Variants in RIMS2 observed in about 807,000 individuals in gnomAD.
RIMS2 encodes regulating synaptic membrane exocytosis protein 2.
In RIMS2, 59 loss-of-function variants were observed where a neutral mutation model predicts 174.4. The ratio of observed to expected loss-of-function variants is 0.34; its 90% confidence interval spans 0.27 to 0.42. The LOEUF (loss-of-function observed/expected upper bound fraction) is 0.42, where lower values mean the gene tolerates loss of function less well. Ranked by LOEUF, RIMS2 falls within the 10% of genes least tolerant of loss-of-function variation. The pLI is 1.00. For synonymous variants in RIMS2, 606 were observed against 572.5 expected, an observed-to-expected ratio of 1.06 and a Z score of -0.84; for missense variants, 1,620 against 1,666.3, an observed-to-expected ratio of 0.97 and a Z score of 0.48.
chr8:103,886,172 T>A lies in RIMS2; in HGVS notation c.1573T>A (p.Tyr525Asn), dbSNP rs748894148. 2.9e-5 allele frequency: 47 copies of A among 1,612,272 alleles called. No homozygotes were observed. The South Asian group carries it at 4.9e-4, about 17-fold the overall frequency. ...GGAGGAATTGGCTTCCACGCCTGAA[T>A]ATACAAGTTGTGATGATGTTGAGAT... The change falls in exon 4 of 24, where the codon TAT becomes AAT. Residue 525 changes from tyrosine (Y) to asparagine (N), a missense_variant. Transcript: ENST00000504942.
chr8:104,174,224 G>A (rs1303260575), intron 19 of RIMS2, among the ~76,000 whole-genome samples: 1 of 152,104 alleles, frequency 6.6e-6, no homozygotes, highest in Non-Finnish European at 1.5e-5. Context: ...AGGGATTACA[G>A]GCGTGAGCCG....
chr8:103,782,884 ACT>A (rs1592232451), intron 3 of RIMS2, among the ~76,000 whole-genome samples: 1 of 152,226 alleles, frequency 6.6e-6, no homozygotes, highest in East Asian at 1.9e-4. Context: ...ATAGAAAATA[ACT>A]CTTTGTGGAA....
At chr8:103,884,707 G>A (rs766317739) in intron 3 of RIMS2, among the ~76,000 whole-genome samples, 72 of 151,818 alleles carry the variant, frequency 4.7e-4, no homozygotes, top group Non-Finnish European at 8.3e-4. Context: ...TATTTTTATT[G>A]CTTATCTCAA....
intron 2 of RIMS2, among the ~76,000 whole-genome samples, chr8:103,730,412 CTTT>C (rs1368328590): frequency 6.6e-6 from 1 of 152,014 alleles, no homozygotes; most frequent in East Asian, 1.9e-4. Context: ...TAATTACCTT[CTTT>C]GTCTCTTTTT....
At chr8:103,551,979 A>G (rs10087778) in intron 1 of RIMS2, among the ~76,000 whole-genome samples, 9,081 of 152,276 alleles carry the variant, frequency 0.06, 904 homozygotes, top group African/African-American at 0.2. Context: ...AGAACATTCC[A>G]TGCTCATGGA....
intron 19 of RIMS2, among the ~76,000 whole-genome samples, chr8:104,160,664 A>T (rs907178395): frequency 6.6e-6 from 1 of 152,164 alleles, no homozygotes; most frequent in Non-Finnish European, 1.5e-5. Flanking sequence ...ATGGTATTTT[A>T]ATCATTTCCC....
intron 14 of RIMS2, among the ~76,000 whole-genome samples, chr8:103,953,025 T>C (rs1186550906): frequency 6.6e-6 from 1 of 151,914 alleles, no homozygotes; most frequent in Non-Finnish European, 1.5e-5. Flanking sequence ...AGATTGAAGA[T>C]CAACTCAATG....
intron 19 of RIMS2, among the ~76,000 whole-genome samples, chr8:104,057,964 A>G (rs1463648774): frequency 1.3e-5 from 2 of 151,946 alleles, no homozygotes; most frequent in Non-Finnish European, 2.9e-5. Context: ...AATCCAGTCT[A>G]TCGTTGTTGG....
chr8:104,101,031 TATATA>T (rs1329268565), intron 19 of RIMS2, among the ~76,000 whole-genome samples: 26 of 143,522 alleles, frequency 1.8e-4, no homozygotes, highest in Non-Finnish European at 3.2e-4. Flanking sequence ...TAATATATGT[TATATA>T]TTATATTATA....
intron 19 of RIMS2, among the ~76,000 whole-genome samples, chr8:104,120,205 A>G (rs1405806668): frequency 6.6e-6 from 1 of 152,210 alleles, no homozygotes; most frequent in Admixed American, 6.5e-5. Flanking sequence ...TAATGTTAAC[A>G]TTTAAGTAGC....
intron 2 of RIMS2, among the ~76,000 whole-genome samples, chr8:103,734,681 T>C (rs2097661730): frequency 6.6e-6 from 1 of 152,004 alleles, no homozygotes; most frequent in African/African-American, 2.4e-5. Context: ...TGCAGTTTTG[T>C]CTTTTGCAGA....
intron 19 of RIMS2, among the ~76,000 whole-genome samples, chr8:104,136,187 T>A (rs2098518030): frequency 6.6e-6 from 1 of 152,208 alleles, no homozygotes; most frequent in East Asian, 1.9e-4. Flanking sequence ...ACTTTTTTGA[T>A]GACCCATTTA....
intron 19 of RIMS2, among the ~76,000 whole-genome samples, chr8:104,089,498 T>G (rs2097595929): frequency 2.6e-5 from 4 of 151,872 alleles, no homozygotes; most frequent in Admixed American, 2.6e-4. Flanking sequence ...CTAAATATGT[T>G]CAAAATGTAT....
Position 103,942,736 on chromosome 8 carries a change from G to A in RIMS2, c.2548-37G>A, listed in dbSNP as rs201126370. 54 of 1,429,926 alleles carry A rather than the reference G, an allele frequency of 3.8e-5. No homozygotes were observed. The East Asian group carries it at 1.2e-3, about 32-fold the overall frequency. 88.6% of individuals were successfully genotyped at this position (1,429,926 alleles called of 1,614,324 possible). On this transcript the variant is annotated intron_variant, in intron 13 of 23. Coordinates refer to ENST00000504942, the Ensembl canonical transcript of RIMS2. ...ATTTAACATAATTTCTTTATTATTG[G>A]TATATTATAACCGTCCTTTGTCTCT...
chr8:104,232,333 T>C (rs542884014), intron 19 of RIMS2, among the ~76,000 whole-genome samples: 14 of 152,332 alleles, frequency 9.2e-5, no homozygotes, highest in East Asian at 1.9e-4. Context: ...GTGCTACACA[T>C]AGAAGTTGTG....
intron 14 of RIMS2, among the ~76,000 whole-genome samples, chr8:103,948,034 T>G (rs369693331): frequency 3.3e-4 from 51 of 152,304 alleles, no homozygotes; most frequent in African/African-American, 1.2e-3. Flanking sequence ...GGGCAAATAC[T>G]TGATAGTTAT....
intron 3 of RIMS2, among the ~76,000 whole-genome samples, chr8:103,863,612 G>T (rs2099069839): frequency 6.6e-6 from 1 of 150,988 alleles, no homozygotes; most frequent in Non-Finnish European, 1.5e-5. Context: ...TTTGGTTAAT[G>T]ATTCAATTTC....
intron 19 of RIMS2, among the ~76,000 whole-genome samples, chr8:104,022,916 G>A (rs1304495243): frequency 6.6e-6 from 1 of 152,104 alleles, no homozygotes; most frequent in Non-Finnish European, 1.5e-5. Flanking sequence ...AAATTTGTAA[G>A]ATGAGAACTC....
intron 11 of RIMS2, among the ~76,000 whole-genome samples, chr8:103,929,266 A>G (rs1046735130): frequency 6.6e-6 from 1 of 151,760 alleles, no homozygotes; most frequent in African/African-American, 2.4e-5. Flanking sequence ...CAGGTTTTCC[A>G]TGGCATAAGG....
Sources: allele counts gnomAD v4.1 joint callset (sites outside exome capture counted in the v4.1 genomes callset), GRCh38; gene constraint gnomAD v4.1.1; transcripts MANE v1.5; gene names NCBI Gene and HGNC (gene_info 2026-07-23, HGNC 2026-07-21).